Variants in THADA observed in about 807,000 individuals in gnomAD.
The protein encoded by THADA is tRNA (32-2'-O)-methyltransferase regulator THADA.
A neutral mutation model predicts 219.8 loss-of-function variants in THADA; 213 were observed. The ratio of observed to expected loss-of-function variants is 0.97; its 90% CI spans 0.87 to 1.09. The LOEUF is 1.09. Ranked by LOEUF, THADA falls within the 50% of genes least tolerant of loss-of-function variation. THADA has a pLI of 0.00. For synonymous variants in THADA, 1,018 were observed against 828.9 expected (o/e 1.23, Z -3.92); for missense variants, 2,956 against 2,311.3 (o/e 1.28, Z -5.72).
intron 29 of THADA, among the ~76,000 whole-genome samples, chr2:43,363,919 T>C (rs1669810322): frequency 1.3e-5 from 2 of 152,038 alleles, no homozygotes; most frequent in South Asian, 4.2e-4. Flanking sequence ...AGATCTTCTC[T>C]CTATAAAAAT....
At chr2:43,519,160 T>G (rs543766227) in intron 22 of THADA, among the ~76,000 whole-genome samples, 1 of 152,058 alleles carries the variant, frequency 6.6e-6, no homozygotes, top group Non-Finnish European at 1.5e-5. Flanking sequence ...CTTACTTATC[T>G]AATCCCAAAG....
At chr2:43,346,692 T>C (rs1344523484) in intron 29 of THADA, among the ~76,000 whole-genome samples, 2 of 152,182 alleles carry the variant, frequency 1.3e-5, no homozygotes, top group African/African-American at 4.8e-5. Flanking sequence ...ATTAAACAAC[T>C]CTTATTACCA....
intron 30 of THADA, among the ~76,000 whole-genome samples, chr2:43,327,626 G>T (rs538651007): frequency 6.7e-4 from 102 of 152,192 alleles, no homozygotes; most frequent in African/African-American, 2.3e-3. Flanking sequence ...CTTCAAGCTG[G>T]GTTTAGGTGG....
intron 11 of THADA, among the ~76,000 whole-genome samples, 199 bp from the exon 12 acceptor site, chr2:43,573,191 C>G (rs1043120846): frequency 6.6e-6 from 1 of 152,162 alleles, no homozygotes; most frequent in Non-Finnish European, 1.5e-5. Context: ...TCAATCATTT[C>G]AAGTAAGCAT....
At chr2:43,585,457 G>A (rs952357582) in intron 7 of THADA, among the ~76,000 whole-genome samples, 5 of 151,690 alleles carry the variant, frequency 3.3e-5, no homozygotes, top group African/African-American at 1.2e-4. Flanking sequence ...AGGTAGAGGT[G>A]CAGTGAGCCA....
Position 43,291,830 on chromosome 2 carries a change from G to A in THADA, c.4938-62C>T, listed in dbSNP as rs192625426. ...TACAATCAGACATATTTCATACACC[G>A]GTTTTTGCAGATAGTCTGTAATCCA... is the stretch of plus-strand genomic sequence containing the variant. On this transcript the variant is annotated intron_variant, in intron 33 of 37. Coordinates refer to ENST00000405975, the MANE Select transcript of THADA (RefSeq NM_022065.5). 1.7e-4 allele frequency: 241 copies of A among 1,406,500 alleles called. No homozygotes were observed. In the African/African-American group the frequency reaches 3.1e-3, roughly 18 times the overall value. The allele number at this position is 1,406,500 out of a possible 1,614,324, so 87.1% of individuals were successfully genotyped here.
intron 25 of THADA, among the ~76,000 whole-genome samples, chr2:43,485,980 A>C (rs190800867): frequency 1.6e-4 from 24 of 152,246 alleles, no homozygotes; most frequent in African/African-American, 5.3e-4. Context: ...GGTAGTCAGA[A>C]GGCTCAGGCA....
chr2:43,570,461 T>C lies in THADA; in HGVS notation c.2114A>G (p.Gln705Arg). 6.2e-7 allele frequency: 1 copy of C among 1,613,276 alleles called. No individual in the cohort carries two copies. The highest frequency in any genetic ancestry group is 8.5e-7 in the Non-Finnish European group (1 of 1,179,610). ...CTCTGGTTCACGTTTGGATTTACTC[T>C]GCTCCAATTTATAAAGTACCTGAGA... Reference protein sequence around the residue: ...ESSQVLYKLEQSKSKREPENE... With the variant: ...ESSQVLYKLERSKSKREPENE... Residue 705 changes from glutamine (Q) to arginine (R), a missense_variant, in exon 14 of 38, where the codon CAG (glutamine) becomes CGG (arginine). Coordinates refer to ENST00000405975, the MANE Select transcript of THADA (RefSeq NM_022065.5).
At chr2:43,282,144 T>C (rs958449622) in intron 35 of THADA, among the ~76,000 whole-genome samples, 1 of 152,212 alleles carries the variant, frequency 6.6e-6, no homozygotes, top group Admixed American at 6.5e-5. Context: ...TTACCTGTTA[T>C]AAGCTAGGGT....
intron 29 of THADA, among the ~76,000 whole-genome samples, chr2:43,365,136 G>A (rs1381917616): frequency 2.6e-5 from 4 of 151,856 alleles, no homozygotes; most frequent in African/African-American, 9.7e-5. Flanking sequence ...TGTTGGCCAG[G>A]CTGGTTTCGA....
intron 26 of THADA, among the ~76,000 whole-genome samples, chr2:43,460,883 T>C (rs1683560520): frequency 3.9e-5 from 6 of 152,018 alleles, no homozygotes; most frequent in Admixed American, 3.9e-4. Context: ...AAAGCAGAGG[T>C]CCTAAAGTAT....
At chr2:43,582,569 C>CTT (rs755116429) in intron 7 of THADA, among the ~76,000 whole-genome samples, 12,984 of 119,240 alleles carry the variant, frequency 0.11, 1,128 homozygotes, top group African/African-American at 0.16. Flanking sequence ...CCCTCCCTGG[C>CTT]TTTTTTTTTT....
intron 29 of THADA, among the ~76,000 whole-genome samples, chr2:43,386,471 G>A (rs772095805): frequency 1.3e-5 from 2 of 152,082 alleles, no homozygotes; most frequent in Non-Finnish European, 2.9e-5. Flanking sequence ...ATAAGGATAT[G>A]CTTTTAAAGG....
intron 29 of THADA, among the ~76,000 whole-genome samples, chr2:43,346,077 A>T (rs1423730165): frequency 6.6e-6 from 1 of 152,146 alleles, no homozygotes; most frequent in Non-Finnish European, 1.5e-5. Flanking sequence ...ATGGAGAGCC[A>T]GGTACGCTGA....
chr2:43,550,754 C>A (rs1696650637), intron 19 of THADA, among the ~76,000 whole-genome samples: 1 of 152,186 alleles, frequency 6.6e-6, no homozygotes, highest in African/African-American at 2.4e-5. Context: ...GGGTACTTTG[C>A]TGACCCAAAT....
chr2:43,332,044 A>G (rs1193485847), intron 30 of THADA, among the ~76,000 whole-genome samples: 1 of 152,146 alleles, frequency 6.6e-6, no homozygotes, highest in Non-Finnish European at 1.5e-5. Flanking sequence ...GGTACTATAC[A>G]AGTGTAACTT....
At chr2:43,529,382 T>C (rs544917190) in intron 21 of THADA, among the ~76,000 whole-genome samples, 1 of 152,282 alleles carries the variant, frequency 6.6e-6, no homozygotes, top group South Asian at 2.1e-4. Flanking sequence ...TTGCCTCGGC[T>C]TAAGTACAGT....
At chr2:43,552,176 G>A in intron 18 of THADA, 28 bp downstream of exon 18, 12 of 1,593,690 alleles carry the variant, frequency 7.5e-6, no homozygotes, top group Non-Finnish European at 9.4e-6. Flanking sequence ...GGATTTCTGA[G>A]ACAGGAGGCA....
intron 26 of THADA, among the ~76,000 whole-genome samples, chr2:43,481,029 T>C (rs894200000): frequency 1.3e-5 from 2 of 152,236 alleles, no homozygotes; most frequent in African/African-American, 2.4e-5. Context: ...ATTCAATTCT[T>C]TCCCAAACAA....
Sources: allele counts gnomAD v4.1 joint callset (sites outside exome capture counted in the v4.1 genomes callset), GRCh38; gene constraint gnomAD v4.1.1; transcripts MANE v1.5; gene names NCBI Gene and HGNC (gene_info 2026-07-23, HGNC 2026-07-21).